NR2E1: variants seen among roughly 807,000 people sequenced by gnomAD.
NR2E1 encodes nuclear receptor TLX.
Under a neutral mutation model 43.6 loss-of-function variants are expected in NR2E1, and 5 were observed. The ratio of observed to expected loss-of-function variants is 0.11; its 90% CI spans 0.06 to 0.24. NR2E1 has a LOEUF of 0.24. Ranked by LOEUF, NR2E1 falls within the 10% of genes least tolerant of loss-of-function variation. The probability of loss-of-function intolerance (pLI) is 1.00; values close to 1 mark genes in which losing one functional copy is unlikely to be tolerated. For missense variants in NR2E1, 287 were observed against 496.7 expected (o/e 0.58, Z 4.01); for synonymous variants, 191 against 195.5 (o/e 0.98, Z 0.19).
intron 5 of NR2E1, chr6:108,179,448 G>C (rs897516231): frequency 2.7e-5 from 4 of 150,156 alleles, no homozygotes; most frequent in African/African-American, 9.9e-5. Flanking sequence ...AAGGTAGTTA[G>C]GTCCTATCTT....
intron 1 of NR2E1, among the ~76,000 whole-genome samples, chr6:108,170,089 C>T (rs943429477): frequency 1.3e-5 from 2 of 151,766 alleles, no homozygotes; most frequent in East Asian, 2.0e-4. Flanking sequence ...CCTCGAGGCC[C>T]TCCCCGCGCC....
chr6:108,183,876 C>T (rs910816720), intron 8 of NR2E1, among the ~76,000 whole-genome samples: 1 of 152,076 alleles, frequency 6.6e-6, no homozygotes, highest in Non-Finnish European at 1.5e-5. Context: ...TTAAATGGAG[C>T]AGTACATAAT....
chr6:108,185,183 C>T (rs1244226693), intron 8 of NR2E1, among the ~76,000 whole-genome samples: 1 of 152,114 alleles, frequency 6.6e-6, no homozygotes, highest in East Asian at 1.9e-4. Flanking sequence ...CTCTAATTAT[C>T]GAGGACGTAA....
chr6:108,176,350 C>G (rs1773896708), intron 3 of NR2E1, 153 bp from the exon 4 acceptor site: 2 of 664,440 alleles, frequency 3.0e-6, no homozygotes, highest in East Asian at 5.5e-5. Flanking sequence ...GAATCCCTTC[C>G]TCCCTCAGAT....
chr6:108,176,767 CTCGTGCCAGCGAA>C, intron 4 of NR2E1, 29 bp downstream of exon 4: 1 of 1,532,220 alleles, frequency 6.5e-7, no homozygotes, highest in Non-Finnish European at 8.8e-7. Flanking sequence ...CCCAAAGAGA[CTCGTGCCAGCGAA>C]TGGAGAGGGA....
rs1397773405 is a variant in NR2E1, at chr6:108,169,594, A to C, written c.26-1864A>C. Among the ~76,000 whole-genome samples, 2 of 152,126 alleles carry C rather than the reference A, an allele frequency of 1.3e-5. No individual in the cohort carries two copies. The highest frequency in any genetic ancestry group is 2.9e-5 in the Non-Finnish European group (2 of 68,024). On this transcript the variant is annotated intron_variant, in intron 1 of 8. Coordinates refer to ENST00000368986, the MANE Select transcript of NR2E1 (RefSeq NM_003269.5). This position sits in a 1 kb window ranked among gnomAD's most constrained non-coding sequence, Gnocchi z 6.1. The stretch of plus-strand genomic sequence containing the variant: ...AGCAGAGGATGGTTGTAAGATATGG[A>C]AACCAAGTTTACCGCTTCCAGAGTG...
In NR2E1 at chr6:108,187,877, C is replaced by T. The variant is rs776408034; in HGVS notation, c.*414C>T. Reference sequence around the variant, plus strand: ...TAGCTCTGTGTATAACATCGTACTGCGGCCTTCAAAACTACGTTATGTTGG... The same window carrying T: ...TAGCTCTGTGTATAACATCGTACTGTGGCCTTCAAAACTACGTTATGTTGG... On this transcript the variant is annotated 3_prime_UTR_variant, in exon 9 of 9. Coordinates refer to ENST00000368986, the MANE Select transcript of NR2E1 (RefSeq NM_003269.5). 3.8e-5 allele frequency: 8 copies of T among 210,854 alleles called. No homozygotes were observed. The highest frequency in any genetic ancestry group is 4.9e-5 in the Non-Finnish European group (5 of 102,144). 13.1% of individuals were successfully genotyped at this position (210,854 alleles called of 1,614,324 possible). A position where few individuals can be genotyped will look rare whatever the true frequency, so the allele number is the denominator to read the frequency against.
At chr6:108,167,928 C>G (rs1019568038) in intron 1 of NR2E1, 16 of 1,316,570 alleles carry the variant, frequency 1.2e-5, no homozygotes, top group African/African-American at 4.4e-5. Flanking sequence ...CCTCCTACCC[C>G]CCTCCAAGAA....
At chr6:108,172,728 C>T (rs1027267948) in intron 2 of NR2E1, among the ~76,000 whole-genome samples, 7 of 152,188 alleles carry the variant, frequency 4.6e-5, no homozygotes, top group African/African-American at 1.7e-4. Context: ...ATTGTTCTGA[C>T]ATCTTTTTCT....
rs148439862 is a variant in NR2E1, at chr6:108,171,894, C to A, written c.171+291C>A. 2.7e-3 allele frequency among the ~76,000 whole-genome samples: 413 copies of A among 152,256 alleles called. 4 individuals are homozygous for A. The highest frequency in any genetic ancestry group is 9.7e-3 in the African/African-American group (401 of 41,544). Reference sequence around the variant, plus strand: ...AAAGATTTTGACACTGGGTAAGGCCCACACCCTGTGGCTCTAAAGCCGGCC... The same window carrying A: ...AAAGATTTTGACACTGGGTAAGGCCAACACCCTGTGGCTCTAAAGCCGGCC... On this transcript the variant is annotated intron_variant, in intron 2 of 8. Transcript: ENST00000368986.
In NR2E1 at chr6:108,166,206, G is replaced by A. The variant is rs1186289769; in HGVS notation, c.-560G>A. 6.5e-6 allele frequency: 1 copy of A among 152,754 alleles called. No homozygotes were observed. 9.5% of individuals were successfully genotyped at this position (152,754 alleles called of 1,614,324 possible). A position where few individuals can be genotyped will look rare whatever the true frequency, so the allele number is the denominator to read the frequency against. On this transcript the variant is annotated 5_prime_UTR_variant, in exon 1 of 9. An upstream open reading frame in the 5' UTR loses its in-frame stop. Transcript: ENST00000368986. The surrounding 1 kb of genome is among the most constrained non-coding windows in gnomAD (Gnocchi z 7.2). ...CCTCGGAAGATTTCCCAGCAATCTA[G>A]TTTTCCCACTCTGCGCTTGGGTTCC... is the stretch of plus-strand genomic sequence containing the variant.
intron 1 of NR2E1, among the ~76,000 whole-genome samples, chr6:108,170,439 A>G (rs1665661200): frequency 6.6e-6 from 1 of 152,076 alleles, no homozygotes; most frequent in Non-Finnish European, 1.5e-5. Context: ...TTAGAGGAAA[A>G]GAATCCCTCC....
chr6:108,176,437 G>C, intron 3 of NR2E1, 66 bp from the exon 4 acceptor site: 1 of 1,512,650 alleles, frequency 6.6e-7, no homozygotes, highest in African/African-American at 1.4e-5. Flanking sequence ...GCTGGGGGGA[G>C]AGCCGCAGCG....
intron 1 of NR2E1, among the ~76,000 whole-genome samples, chr6:108,170,698 A>C (rs566834758): frequency 4.6e-5 from 7 of 152,218 alleles, no homozygotes; most frequent in Admixed American, 1.3e-4. Flanking sequence ...CTAGGGAGAA[A>C]GGGCTTAGGA....
At chr6:108,181,424 C>T (rs1238748000) in intron 7 of NR2E1, 122 bp from the exon 8 acceptor site, 16 of 821,340 alleles carry the variant, frequency 1.9e-5, no homozygotes, top group Non-Finnish European at 3.4e-5. Context: ...GAACTGCTGA[C>T]CTCAAGTGAT....
intron 4 of NR2E1, 96 bp downstream of exon 4, chr6:108,176,834 T>C (rs1383768867): frequency 3.3e-6 from 4 of 1,215,034 alleles, no homozygotes; most frequent in Non-Finnish European, 4.6e-6. Context: ...TCAGGCAAAC[T>C]GGGGAGAGAA....
intron 8 of NR2E1, among the ~76,000 whole-genome samples, chr6:108,186,495 A>G (rs1287819935): frequency 6.6e-6 from 1 of 152,194 alleles, no homozygotes; most frequent in Non-Finnish European, 1.5e-5. Context: ...ACAGATGTGT[A>G]TCCCGGAAGT....
At chr6:108,172,781 A>T (rs1773833337) in intron 2 of NR2E1, among the ~76,000 whole-genome samples, 1 of 152,226 alleles carries the variant, frequency 6.6e-6, no homozygotes, top group Admixed American at 6.5e-5. Context: ...GTTTTGGATT[A>T]ACCACAAAAA....
At chr6:108,168,137 G>C in intron 1 of NR2E1, 5 of 1,599,646 alleles carry the variant, frequency 3.1e-6, no homozygotes, top group Middle Eastern at 1.7e-4. Flanking sequence ...GCCTACCCTG[G>C]CCCTCGCTGT....
Sources: gnomAD v4.1 joint callset for allele counts (sites outside exome capture counted in the v4.1 genomes callset) on GRCh38, gnomAD v4.1.1 for gene constraint, Gnocchi (gnomAD v3.1) non-coding constraint, MANE v1.5 for transcripts, NCBI Gene and HGNC (gene_info 2026-07-23, HGNC 2026-07-21) for gene names.